The following TENM4 variants were observed in gnomAD, a reference collection of about 807,000 sequenced individuals.
TENM4 encodes the protein teneurin transmembrane protein 4.
Under a neutral mutation model 243.3 loss-of-function variants are expected in TENM4, and 82 were observed. The observed-to-expected ratio is 0.34, with a 90% CI of 0.28 to 0.40. The LOEUF (loss-of-function observed/expected upper bound fraction) is 0.40, where lower values mean the gene tolerates loss of function less well. TENM4 is among the 10% of genes least tolerant of loss of function. The pLI, the probability that TENM4 is intolerant of heterozygous loss-of-function variation, is 1.00. For synonymous variants in TENM4, 1,412 were observed against 1,456.3 expected, an observed-to-expected ratio of 0.97 and a Z score of 0.69; for missense variants, 3,138 against 3,673.3, an observed-to-expected ratio of 0.85 and a Z score of 3.77.
At chr11:79,295,574 T>C (rs2135388985) in intron 2 of TENM4, among the ~76,000 whole-genome samples, 1 of 152,236 alleles carries the variant, frequency 6.6e-6, no homozygotes, top group South Asian at 2.1e-4. Context: ...CTATCATCTG[T>C]CAGTCCTGAC....
intron 3 of TENM4, among the ~76,000 whole-genome samples, chr11:79,165,140 T>C (rs1862885098): frequency 6.6e-6 from 1 of 152,104 alleles, no homozygotes; most frequent in African/African-American, 2.4e-5. Context: ...TGACTTCTTT[T>C]TCTCTGGGTA....
intron 3 of TENM4, among the ~76,000 whole-genome samples, chr11:79,162,195 G>C (rs1862761656): frequency 1.3e-5 from 2 of 152,196 alleles, no homozygotes; most frequent in African/African-American, 4.8e-5. Flanking sequence ...GTGGAGGGCA[G>C]TGGTCAAGAT....
At chr11:78,883,312 C>A (rs1010721694) in intron 9 of TENM4, among the ~76,000 whole-genome samples, 2 of 152,168 alleles carry the variant, frequency 1.3e-5, no homozygotes, top group African/African-American at 4.8e-5. Context: ...GAAAGTAATA[C>A]TATTATTCCT....
chr11:79,036,856 A>G (rs1859394246), intron 6 of TENM4, among the ~76,000 whole-genome samples: 1 of 151,886 alleles, frequency 6.6e-6, no homozygotes, highest in Admixed American at 6.6e-5. Context: ...CTAAAAATAC[A>G]AAAAATTAGC....
At chr11:78,678,047 G>T (rs1461944272) in intron 29 of TENM4, among the ~76,000 whole-genome samples, 3 of 55,292 alleles carry the variant, frequency 5.4e-5, no homozygotes, top group Non-Finnish European at 1.1e-4. Flanking sequence ...TCTTGCGATA[G>T]TTTACTGAGA....
At chr11:78,958,654 C>T (rs759853732) in intron 6 of TENM4, among the ~76,000 whole-genome samples, 5 of 152,226 alleles carry the variant, frequency 3.3e-5, no homozygotes, top group Non-Finnish European at 7.3e-5. Context: ...GCAGCTCAGG[C>T]TGGAGTTGAC....
intron 7 of TENM4, among the ~76,000 whole-genome samples, chr11:78,899,555 A>G (rs1855877615): frequency 1.4e-5 from 1 of 72,902 alleles, no homozygotes; most frequent in Admixed American, 1.7e-4. Flanking sequence ...TCTGTCTCAA[A>G]AAGCGGGGGG....
chr11:79,223,414 G>C (rs1391965066), intron 2 of TENM4, among the ~76,000 whole-genome samples: 3 of 152,136 alleles, frequency 2.0e-5, no homozygotes, highest in African/African-American at 7.2e-5. Flanking sequence ...GGATTTAAAA[G>C]TGCAGGACTA....
intron 1 of TENM4, among the ~76,000 whole-genome samples, chr11:79,341,783 T>G (rs1217672306): frequency 6.6e-6 from 1 of 152,218 alleles, no homozygotes; most frequent in Non-Finnish European, 1.5e-5. Context: ...AGATTATTTG[T>G]AACAATGACC....
At position 79,138,331 on chromosome 11, in the gene TENM4, T is replaced by TATATA. The variant is rs1565219214; in HGVS notation, c.-66+10374_-66+10378dup. 4.8e-3 allele frequency among the ~76,000 whole-genome samples: 362 copies of TATATA among 76,130 alleles called. 3 individuals are homozygous for TATATA. The highest frequency in any genetic ancestry group is 0.022 in the African/African-American group (350 of 15,662). The allele number at this position is 76,130 out of a possible 152,430, so 49.9% of individuals were successfully genotyped here. A position where few individuals can be genotyped will look rare whatever the true frequency, so the allele number is the denominator to read the frequency against. ...CCCCTTTATATATATATATATATAT[T>TATATA]ATATATATAATATATAAAAATATAT... On this transcript the variant is annotated intron_variant, in intron 4 of 33. Coordinates refer to ENST00000278550, the MANE Select transcript of TENM4 (RefSeq NM_001098816.3).
chr11:79,142,326 A>G (rs144023442), intron 4 of TENM4, among the ~76,000 whole-genome samples: 1 of 151,772 alleles, frequency 6.6e-6, no homozygotes, highest in South Asian at 2.1e-4. Flanking sequence ...TAGGATTTCT[A>G]TATGCCAACA....
intron 1 of TENM4, among the ~76,000 whole-genome samples, chr11:79,434,570 G>A (rs1859232841): frequency 6.6e-6 from 1 of 152,178 alleles, no homozygotes; most frequent in Admixed American, 6.5e-5. Context: ...GATTCCAAGA[G>A]CCAGGGAAGA....
At chr11:78,987,232 T>A (rs116323307) in intron 6 of TENM4, among the ~76,000 whole-genome samples, 1,673 of 152,254 alleles carry the variant, frequency 0.011, 36 homozygotes, top group African/African-American at 0.038. Context: ...GTCTGGAAAC[T>A]TTCCAAATGT....
chr11:79,249,161 A>G (rs1028736119), intron 2 of TENM4, among the ~76,000 whole-genome samples: 1 of 152,208 alleles, frequency 6.6e-6, no homozygotes, highest in African/African-American at 2.4e-5. Context: ...TCTAGTACTT[A>G]CTACCTACAG....
chr11:78,676,118 C>G lies in TENM4; in HGVS notation c.5496+34G>C, dbSNP rs527503522. ...TTCTCCCGTTCCCCATTCTTTCCCC[C>G]CAGGACGCAGCCACCTCCAGAGGCC... On this transcript the variant is annotated intron_variant, in intron 30 of 33. Transcript: ENST00000278550. 146 of 1,457,290 alleles carry G rather than the reference C, an allele frequency of 1.0e-4. 1 individual carries two copies. In the South Asian group the frequency reaches 1.3e-3, roughly 13 times the overall value. The allele number at this position is 1,457,290 out of a possible 1,614,324, so 90.3% of individuals were successfully genotyped here.
At chr11:79,168,527 G>T (rs138987347) in intron 3 of TENM4, among the ~76,000 whole-genome samples, 2 of 152,238 alleles carry the variant, frequency 1.3e-5, no homozygotes, top group African/African-American at 4.8e-5. Context: ...GGAGAGGAGA[G>T]AAAGCTAGAC....
At chr11:78,844,339 A>T (rs1858333206) in intron 12 of TENM4, among the ~76,000 whole-genome samples, 1 of 152,152 alleles carries the variant, frequency 6.6e-6, no homozygotes, top group Non-Finnish European at 1.5e-5. Flanking sequence ...GATAGGACTT[A>T]TGTCCTTATA....
intron 2 of TENM4, among the ~76,000 whole-genome samples, chr11:79,256,211 C>A (rs2135314478): frequency 6.6e-6 from 1 of 152,256 alleles, no homozygotes; most frequent in African/African-American, 2.4e-5. Flanking sequence ...CTACTCCTGC[C>A]CTTTCCTATT....
rs558800121 is a variant in TENM4 at position 79,262,642 on chromosome 11, A to G, written c.-265+34846T>C. ...GATGTAACTCTGAAAACAATTTAAA[A>G]AGGAATGTGTGACCCAGCAAGTGGC... On this transcript the variant is annotated intron_variant, in intron 2 of 33. Transcript: ENST00000278550. Among the ~76,000 whole-genome samples, 6 of 152,352 alleles carry G rather than the reference A, an allele frequency of 3.9e-5. No homozygotes were observed. The East Asian group carries it at 1.2e-3, about 29-fold the overall frequency.
Sources: allele counts gnomAD v4.1 joint callset (sites outside exome capture counted in the v4.1 genomes callset), GRCh38; gene constraint gnomAD v4.1.1; transcripts MANE v1.5; gene names NCBI Gene and HGNC (gene_info 2026-07-23, HGNC 2026-07-21).